Variants in KALRN observed in about 807,000 individuals in gnomAD.
KALRN encodes the protein kalirin.
KALRN carries 70 observed loss-of-function variants against 353.7 expected under a neutral mutation model. The observed-to-expected ratio is 0.20, with a 90% CI of 0.16 to 0.24. The LOEUF (loss-of-function observed/expected upper bound fraction) is 0.24, where lower values mean the gene tolerates loss of function less well. Among genes scored for constraint, KALRN ranks in the 10% least tolerant of loss-of-function variants. KALRN has a pLI of 1.00. For missense variants in KALRN, 2,791 were observed against 3,756.7 expected, an observed-to-expected ratio of 0.74 and a Z score of 6.72; for synonymous variants, 1,391 against 1,434.8, an observed-to-expected ratio of 0.97 and a Z score of 0.69.
intron 37 of KALRN, among the ~76,000 whole-genome samples, 188 bp from the exon 38 acceptor site, chr3:124,650,620 G>A (rs1008672786): frequency 1.2e-4 from 19 of 152,226 alleles, no homozygotes; most frequent in Admixed American, 6.5e-5. Context: ...GCCTGAGAAG[G>A]TGGCAGCTCT....
chr3:124,194,859 A>G (rs2150342901), intron 1 of KALRN, among the ~76,000 whole-genome samples: 1 of 152,118 alleles, frequency 6.6e-6, no homozygotes, highest in African/African-American at 2.4e-5. Flanking sequence ...GTTCCATGAG[A>G]AAAGGGTTGC....
At chr3:124,514,555 CACA>C (rs960469694) in intron 33 of KALRN, among the ~76,000 whole-genome samples, 15 of 152,268 alleles carry the variant, frequency 9.9e-5, no homozygotes, top group African/African-American at 3.4e-4. Flanking sequence ...CTGTCATTCC[CACA>C]ACAATTCTTC....
rs71145472 is a variant in KALRN at position 124,645,626 on chromosome 3, T to TTCTCTC, written c.5665-5154_5665-5149dup. On this transcript the variant is annotated intron_variant, in intron 37 of 59. Transcript: ENST00000682506. ...CTTGTGTTTTAAGGCTGAATAATAT[T>TTCTCTC]TCTCTCTCTCTCTCTCTCTCTCTCT... is the stretch of plus-strand genomic sequence containing the variant. Among the ~76,000 whole-genome samples the TTCTCTC allele has an allele frequency of 2.0e-3, 261 of 133,552 alleles. 3 individuals carry two copies. The highest frequency in any genetic ancestry group is 0.019 in the South Asian group (78 of 4,056). The allele number at this position is 133,552 out of a possible 152,430, so 87.6% of individuals were successfully genotyped here.
intron 15 of KALRN, among the ~76,000 whole-genome samples, chr3:124,427,393 T>G (rs1227784759): frequency 1.3e-5 from 2 of 152,248 alleles, no homozygotes; most frequent in Non-Finnish European, 2.9e-5. Context: ...CAACTATGCC[T>G]TGTGATAAAT....
intron 3 of KALRN, among the ~76,000 whole-genome samples, chr3:124,251,068 G>A (rs1398115478): frequency 6.6e-6 from 1 of 152,198 alleles, no homozygotes; most frequent in Admixed American, 6.5e-5. Context: ...AACAAATGCT[G>A]TGCTCCCAAG....
At chr3:124,701,014 G>T (rs983738314) in intron 56 of KALRN, among the ~76,000 whole-genome samples, 8 of 152,224 alleles carry the variant, frequency 5.3e-5, no homozygotes, top group African/African-American at 1.9e-4. Context: ...TCTCAGCCAG[G>T]CTGTGCTCTG....
intron 1 of KALRN, among the ~76,000 whole-genome samples, chr3:124,126,878 C>T (rs2064742274): frequency 6.6e-6 from 1 of 152,202 alleles, no homozygotes; most frequent in South Asian, 2.1e-4. Context: ...CATTCCACCC[C>T]TCAATTATTC....
chr3:124,611,222 G>GTA lies in KALRN; in HGVS notation c.5183-21198_5183-21197insTA, dbSNP rs1364503843. ...AGAGAATGGGCTCTGTGGGATCTGGGGAAGGACCGCCTAGGTAGAGAGAGA... is the reference window on the plus strand; with the variant it reads ...AGAGAATGGGCTCTGTGGGATCTGGGTAGAAGGACCGCCTAGGTAGAGAGAGA... On this transcript the variant is annotated intron_variant, in intron 34 of 59. Transcript: ENST00000682506. 2.6e-4 allele frequency among the ~76,000 whole-genome samples: 39 copies of GTA among 152,270 alleles called. No homozygotes were observed. In the East Asian group the frequency reaches 7.3e-3, roughly 29 times the overall value.
At chr3:124,670,934 A>G (rs955189762) in intron 47 of KALRN, among the ~76,000 whole-genome samples, 1 of 151,790 alleles carries the variant, frequency 6.6e-6, no homozygotes, top group Non-Finnish European at 1.5e-5. Context: ...TGCTTTTCCC[A>G]CCTAGGCTGT....
Position 124,612,986 on chromosome 3 carries a change from CTGAT to C in KALRN, c.5183-19430_5183-19427del, listed in dbSNP as rs200839607. On this transcript the variant is annotated intron_variant, in intron 34 of 59. Coordinates refer to ENST00000682506, the MANE Select transcript of KALRN (RefSeq NM_001388419.1). ...AAAAGGGCATTCTTATGGAAATAGT[CTGAT>C]TGAGTATTTTCTCTGCAAAGGATAT... 9.6e-4 allele frequency among the ~76,000 whole-genome samples: 146 copies of C among 152,332 alleles called. 1 individual carries two copies. The highest frequency in any genetic ancestry group is 2.2e-4 in the Non-Finnish European group (15 of 68,034).
chr3:124,571,237 C>T (rs115300403), intron 34 of KALRN, among the ~76,000 whole-genome samples: 1,940 of 152,310 alleles, frequency 0.013, 46 homozygotes, highest in African/African-American at 0.044. Flanking sequence ...TTTTATTAAA[C>T]GCTTAGAGCA....
At position 124,119,303 on chromosome 3, in the gene KALRN, A is replaced by G. The variant is rs1340207503; in HGVS notation, c.73+85490A>G. Among the ~76,000 whole-genome samples the G allele has an allele frequency of 3.3e-5, 5 of 152,354 alleles. No homozygotes were observed. The East Asian group carries it at 9.6e-4, about 29-fold the overall frequency. ...TTCAGAGAAGAATTAGACTGTTCCC[A>G]ATGTCTTCACATCTGTGAGGGGACT... On this transcript the variant is annotated intron_variant, in intron 1 of 59. Coordinates refer to ENST00000682506, the MANE Select transcript of KALRN (RefSeq NM_001388419.1).
chr3:124,428,926 G>T (rs571094020), intron 15 of KALRN, among the ~76,000 whole-genome samples: 1 of 152,152 alleles, frequency 6.6e-6, no homozygotes, highest in Admixed American at 6.5e-5. Context: ...TGGAGAAGTG[G>T]TTTCTCTGAC....
intron 6 of KALRN, among the ~76,000 whole-genome samples, chr3:124,309,617 G>A (rs1020427544): frequency 1.9e-4 from 29 of 151,882 alleles, no homozygotes; most frequent in Non-Finnish European, 3.8e-4. Context: ...TACACACCAC[G>A]ACCAAGTGGG....
chr3:124,185,358 G>A lies in KALRN; in HGVS notation c.74-42632G>A, dbSNP rs534002709. ...GCTACCAAAACTTATGTCAAGCTTC[G>A]GGCCAAAGCTTGTTCTTGGGCCCCA... On this transcript the variant is annotated intron_variant, in intron 1 of 59. Coordinates refer to ENST00000682506, the MANE Select transcript of KALRN (RefSeq NM_001388419.1). 3.3e-4 allele frequency among the ~76,000 whole-genome samples: 50 copies of A among 152,260 alleles called. 2 individuals carry two copies. In the South Asian group the frequency reaches 9.1e-3, roughly 28 times the overall value.
intron 5 of KALRN, among the ~76,000 whole-genome samples, chr3:124,272,188 G>A (rs187066841): frequency 2.9e-4 from 44 of 152,266 alleles, no homozygotes; most frequent in Non-Finnish European, 4.6e-4. Context: ...TAGTTATTAC[G>A]TTTTAAAAAT....
chr3:124,474,670 C>T lies in KALRN; in HGVS notation c.4039C>T (p.Leu1347Phe). ...CTTTTTCTCCTCTTGCAGCATCTTC[C>T]TCAAAGAGCTGGAGAAGTACGAGCA... ...EIYDFHNNIF[L>F]KELEKYEQLP... Residue 1347 changes from leucine (L) to phenylalanine (F), a missense_variant, in exon 26 of 60, where the codon CTC (leucine) becomes TTC (phenylalanine). Physicochemically the swap from Leu to Phe is conservative, Grantham distance 22 (BLOSUM62 0). Coordinates refer to ENST00000682506, the MANE Select transcript of KALRN (RefSeq NM_001388419.1). The T allele has an allele frequency of 1.2e-6, 2 of 1,613,930 alleles. No homozygotes were observed. The highest frequency in any genetic ancestry group is 1.7e-6 in the Non-Finnish European group (2 of 1,179,830).
intron 10 of KALRN, among the ~76,000 whole-genome samples, chr3:124,360,476 C>T (rs1363103204): frequency 1.3e-5 from 2 of 152,180 alleles, no homozygotes; most frequent in African/African-American, 4.8e-5. Flanking sequence ...TAGTGGCCCT[C>T]CTCAGAAAGA....
At chr3:124,214,891 T>A (rs1284369238) in intron 1 of KALRN, among the ~76,000 whole-genome samples, 1 of 152,168 alleles carries the variant, frequency 6.6e-6, no homozygotes, top group African/African-American at 2.4e-5. Flanking sequence ...TCCCCAGACC[T>A]CTCTCCACAG....
Sources: allele counts gnomAD v4.1 joint callset (sites outside exome capture counted in the v4.1 genomes callset), GRCh38; gene constraint gnomAD v4.1.1; transcripts MANE v1.5; gene names NCBI Gene and HGNC (gene_info 2026-07-23, HGNC 2026-07-21).